The following PMEPA1 variants were observed in gnomAD, a reference collection of about 807,000 sequenced individuals.
PMEPA1 encodes the protein protein TMEPAI.
A neutral mutation model predicts 23.0 loss-of-function variants in PMEPA1; 11 were observed. The ratio of observed to expected loss-of-function variants is 0.48; its 90% CI spans 0.30 to 0.79. The LOEUF is 0.79. Ranked by LOEUF, PMEPA1 falls within the 30% of genes least tolerant of loss-of-function variation. The pLI is 0.06. For synonymous variants in PMEPA1, 204 were observed against 166.4 expected (o/e 1.23, Z -1.74); for missense variants, 377 against 390.9 (o/e 0.96, Z 0.30).
At chr20:57,668,516 C>T (rs1383364020) in intron 1 of PMEPA1, among the ~76,000 whole-genome samples, 2 of 152,216 alleles carry the variant, frequency 1.3e-5, no homozygotes, top group East Asian at 1.9e-4. Flanking sequence ...TCCCCTGTCC[C>T]CACAAGACAT....
intron 1 of PMEPA1, among the ~76,000 whole-genome samples, chr20:57,664,153 C>T (rs2071460475): frequency 6.6e-6 from 1 of 152,220 alleles, no homozygotes; most frequent in Non-Finnish European, 1.5e-5. Flanking sequence ...GTCCCTGGCC[C>T]CAGCCGTGTT....
chr20:57,662,452 A>G (rs2071435051), intron 1 of PMEPA1, among the ~76,000 whole-genome samples: 1 of 152,140 alleles, frequency 6.6e-6, no homozygotes, highest in Non-Finnish European at 1.5e-5. Flanking sequence ...AAGCCCCGAG[A>G]AGGCTTCGGC....
chr20:57,666,458 G>A (rs1202920070), intron 1 of PMEPA1, among the ~76,000 whole-genome samples: 1 of 152,170 alleles, frequency 6.6e-6, no homozygotes, highest in Non-Finnish European at 1.5e-5. Context: ...GGAGAGGTGA[G>A]GCGACCGCCA....
chr20:57,709,374 G>A lies in PMEPA1; in HGVS notation c.109+100C>T, dbSNP rs903253076. The A allele has an allele frequency of 9.2e-6, 8 of 870,266 alleles. No individual in the cohort carries two copies. The Admixed American group carries it at 4.4e-4, about 48-fold the overall frequency. 53.9% of individuals were successfully genotyped at this position (870,266 alleles called of 1,614,324 possible). A position where few individuals can be genotyped will look rare whatever the true frequency, so the allele number is the denominator to read the frequency against. On this transcript the variant is annotated intron_variant, in intron 1 of 3. Coordinates refer to ENST00000341744, the MANE Select transcript of PMEPA1 (RefSeq NM_020182.5). ...TGCCCGGGCGCAGGGCGTTCGGTCC[G>A]AGGGGGCGCGCAGGGCCCGGACCCC... is the stretch of plus-strand genomic sequence containing the variant.
chr20:57,694,887 G>A (rs764928032), intron 1 of PMEPA1, among the ~76,000 whole-genome samples: 2 of 152,226 alleles, frequency 1.3e-5, no homozygotes, highest in Admixed American at 6.5e-5. Flanking sequence ...CCACAAAGCC[G>A]GTAAGTGAGG....
intron 1 of PMEPA1, among the ~76,000 whole-genome samples, chr20:57,673,833 C>A (rs1475332801): frequency 2.0e-5 from 3 of 152,194 alleles, no homozygotes; most frequent in African/African-American, 7.2e-5. Context: ...CACCTGCACC[C>A]TAGTCCGGAC....
chr20:57,653,758 C>G (rs1169433101), intron 2 of PMEPA1, among the ~76,000 whole-genome samples: 1 of 152,248 alleles, frequency 6.6e-6, no homozygotes, highest in Non-Finnish European at 1.5e-5. Context: ...CGGCCCGCTG[C>G]TGTCCACTTT....
chr20:57,699,517 G>A (rs1246827665), intron 1 of PMEPA1, among the ~76,000 whole-genome samples: 4 of 152,132 alleles, frequency 2.6e-5, no homozygotes, highest in Admixed American at 6.5e-5. Context: ...CCAGGACCCC[G>A]CCACAGTCTC....
chr20:57,709,586 C>CG lies in PMEPA1; in HGVS notation c.-5dup. 2.0e-6 allele frequency: 2 copies of CG among 982,234 alleles called. No homozygotes were observed. Among genetic ancestry groups the CG allele is most frequent in the Non-Finnish European group, 2.4e-6 (2 of 823,500 alleles). 60.8% of individuals were successfully genotyped at this position (982,234 alleles called of 1,614,324 possible). A position where few individuals can be genotyped will look rare whatever the true frequency, so the allele number is the denominator to read the frequency against. On this transcript the variant is annotated 5_prime_UTR_variant, in exon 1 of 4. Transcript: ENST00000341744. ...TGACCCCCATCAAGCGGTGCATGGACGGCGCGGCGGCGCGGCGCGGGGCGC... is the reference window on the plus strand; with the variant it reads ...TGACCCCCATCAAGCGGTGCATGGACGGGCGCGGCGGCGCGGCGCGGGGCGC...
At chr20:57,653,206 T>A in intron 2 of PMEPA1, 120 bp from the exon 3 acceptor site, 7 of 823,284 alleles carry the variant, frequency 8.5e-6, no homozygotes, top group Non-Finnish European at 1.2e-5. Flanking sequence ...CCCGCCCACC[T>A]CTCTGCATCG....
intron 1 of PMEPA1, among the ~76,000 whole-genome samples, chr20:57,697,339 C>T (rs2071954887): frequency 6.6e-6 from 1 of 152,214 alleles, no homozygotes; most frequent in Non-Finnish European, 1.5e-5. Flanking sequence ...GATCTGAGTG[C>T]AGCAAGGATG....
intron 1 of PMEPA1, among the ~76,000 whole-genome samples, chr20:57,678,118 C>T (rs901787047): frequency 6.6e-6 from 1 of 152,116 alleles, no homozygotes; most frequent in Non-Finnish European, 1.5e-5. Flanking sequence ...GGTGGTTACA[C>T]AAATCTACGC....
upstream of PMEPA1, chr20:57,710,750 C>G (rs2072170631): frequency 4.8e-6 from 2 of 414,074 alleles, no homozygotes; most frequent in East Asian, 3.7e-5. Flanking sequence ...GGGGTATGAG[C>G]AGGAGGGGTG....
intron 1 of PMEPA1, among the ~76,000 whole-genome samples, chr20:57,671,157 T>C (rs1360772543): frequency 6.6e-6 from 1 of 152,260 alleles, no homozygotes; most frequent in East Asian, 1.9e-4. Context: ...TTTGTTTCTA[T>C]TGTCACTGAC....
intron 1 of PMEPA1, among the ~76,000 whole-genome samples, chr20:57,702,821 T>C (rs1266256988): frequency 6.6e-6 from 1 of 152,204 alleles, no homozygotes; most frequent in African/African-American, 2.4e-5. Flanking sequence ...TGGCACATAA[T>C]AATCTCTTCA....
At chr20:57,706,483 C>T (rs981846258) in intron 1 of PMEPA1, among the ~76,000 whole-genome samples, 5 of 152,110 alleles carry the variant, frequency 3.3e-5, no homozygotes, top group African/African-American at 4.8e-5. Context: ...GGTTTTCCCA[C>T]GGGTATGTTT....
At chr20:57,694,887 G>T (rs764928032) in intron 1 of PMEPA1, among the ~76,000 whole-genome samples, 1 of 152,226 alleles carries the variant, frequency 6.6e-6, no homozygotes, top group African/African-American at 2.4e-5. Flanking sequence ...CCACAAAGCC[G>T]GTAAGTGAGG....
intron 1 of PMEPA1, among the ~76,000 whole-genome samples, chr20:57,689,401 C>A (rs1408959733): frequency 6.6e-6 from 1 of 152,148 alleles, no homozygotes; most frequent in East Asian, 1.9e-4. Context: ...CCTTCCCAGG[C>A]AGAAAGGTCG....
At chr20:57,659,458 C>G in intron 2 of PMEPA1, 85 bp downstream of exon 2, 7 of 1,413,012 alleles carry the variant, frequency 5.0e-6, no homozygotes, top group Non-Finnish European at 6.8e-6. Flanking sequence ...CCTGCAAACG[C>G]TGCCATTGGA....
Sources: allele counts gnomAD v4.1 joint callset (sites outside exome capture counted in the v4.1 genomes callset), GRCh38; gene constraint gnomAD v4.1.1; transcripts MANE v1.5; gene names NCBI Gene and HGNC (gene_info 2026-07-23, HGNC 2026-07-21).